Variants in RIMS1 observed in about 807,000 individuals in gnomAD.
RIMS1 encodes regulating synaptic membrane exocytosis 1, also known as regulating synaptic membrane exocytosis protein 1.
In RIMS1, 83 loss-of-function variants were observed where a neutral mutation model predicts 214.1. The observed-to-expected ratio is 0.39, with a 90% CI of 0.32 to 0.47. The LOEUF is 0.47. Ranked by LOEUF, RIMS1 falls within the 20% of genes least tolerant of loss-of-function variation. RIMS1 has a pLI of 0.99. For missense variants in RIMS1, 2,050 were observed against 2,161.8 expected, an observed-to-expected ratio of 0.95 and a Z score of 1.03; for synonymous variants, 793 against 786.8, an observed-to-expected ratio of 1.01 and a Z score of -0.13.
At chr6:71,981,159 A>G (rs1385262273) in intron 2 of RIMS1, among the ~76,000 whole-genome samples, 1 of 152,028 alleles carries the variant, frequency 6.6e-6, no homozygotes, top group Admixed American at 6.6e-5. Flanking sequence ...CTTTTTGCTG[A>G]TTTTCTATCA....
chr6:72,019,519 A>G (rs1813889614), intron 2 of RIMS1, among the ~76,000 whole-genome samples: 1 of 152,216 alleles, frequency 6.6e-6, no homozygotes, highest in African/African-American at 2.4e-5. Context: ...AAACCCTTTT[A>G]CATTTTCTAT....
intron 29 of RIMS1, among the ~76,000 whole-genome samples, chr6:72,370,931 G>A (rs1467209615): frequency 6.6e-6 from 1 of 152,092 alleles, no homozygotes; most frequent in Non-Finnish European, 1.5e-5. Flanking sequence ...AATGTAGTTG[G>A]GAGGAAGTAT....
At chr6:72,128,067 C>T (rs1388575971) in intron 4 of RIMS1, among the ~76,000 whole-genome samples, 2 of 152,086 alleles carry the variant, frequency 1.3e-5, no homozygotes, top group Non-Finnish European at 2.9e-5. Context: ...ATCCTTATGA[C>T]AAGAGGTTAT....
intron 6 of RIMS1, among the ~76,000 whole-genome samples, chr6:72,201,381 A>T (rs2051954153): frequency 6.6e-6 from 1 of 152,240 alleles, no homozygotes; most frequent in African/African-American, 2.4e-5. Flanking sequence ...AGATTTCAGT[A>T]TCACCTGTTT....
intron 4 of RIMS1, among the ~76,000 whole-genome samples, chr6:72,122,349 T>G (rs1283177988): frequency 1.3e-5 from 2 of 151,226 alleles, no homozygotes; most frequent in Non-Finnish European, 3.0e-5. Flanking sequence ...GGACTACAGG[T>G]GCCTGCCACT....
intron 29 of RIMS1, among the ~76,000 whole-genome samples, chr6:72,350,661 A>G (rs576536406): frequency 3.9e-5 from 6 of 152,238 alleles, no homozygotes; most frequent in South Asian, 2.1e-4. Flanking sequence ...AAAATATCCT[A>G]TGCCCTTTAG....
chr6:72,303,724 G>A (rs2094870428), intron 26 of RIMS1, among the ~76,000 whole-genome samples: 1 of 151,200 alleles, frequency 6.6e-6, no homozygotes, highest in Non-Finnish European at 1.5e-5. Flanking sequence ...ATATAAAGTT[G>A]GAATAAATAA....
intron 12 of RIMS1, among the ~76,000 whole-genome samples, chr6:72,248,485 G>T (rs115375766): frequency 5.3e-5 from 8 of 152,084 alleles, no homozygotes; most frequent in Admixed American, 3.9e-4. Context: ...AACCTTATGA[G>T]CCTAGAGCCT....
intron 1 of RIMS1, among the ~76,000 whole-genome samples, chr6:71,908,586 A>G (rs1011397223): frequency 1.3e-5 from 2 of 152,192 alleles, no homozygotes; most frequent in Non-Finnish European, 2.9e-5. Context: ...TAAGTATCTA[A>G]TTTACTCATA....
rs538978566 is a variant in RIMS1 at position 72,238,084 on chromosome 6, A to G, written c.1957+162A>G. ...AATTTTAATGCACGAATAAAGACTTATTTCCTGATATAAATATTTACCAAT... is the reference window on the plus strand; with the variant it reads ...AATTTTAATGCACGAATAAAGACTTGTTTCCTGATATAAATATTTACCAAT... On this transcript the variant is annotated intron_variant, in intron 9 of 33. Coordinates refer to ENST00000521978, the MANE Select transcript of RIMS1 (RefSeq NM_014989.7). 2.8e-4 allele frequency among the ~76,000 whole-genome samples: 42 copies of G among 152,160 alleles called. No individual in the cohort carries two copies. The South Asian group carries it at 7.9e-3, about 29-fold the overall frequency.
intron 2 of RIMS1, among the ~76,000 whole-genome samples, chr6:72,069,896 G>A (rs764731614): frequency 1.3e-5 from 2 of 152,158 alleles, no homozygotes; most frequent in Non-Finnish European, 2.9e-5. Flanking sequence ...TGTATGTGTT[G>A]GGATGAGATA....
chr6:71,904,039 C>T (rs572874428), intron 1 of RIMS1, among the ~76,000 whole-genome samples: 1 of 152,176 alleles, frequency 6.6e-6, no homozygotes, highest in East Asian at 1.9e-4. Context: ...TTTGTCCTTT[C>T]ACCTGGGATG....
At chr6:72,125,710 A>G (rs2039374708) in intron 4 of RIMS1, among the ~76,000 whole-genome samples, 1 of 152,168 alleles carries the variant, frequency 6.6e-6, no homozygotes, top group South Asian at 2.1e-4. Flanking sequence ...CCCCTCCCCC[A>G]GCCCAGGCTG....
intron 2 of RIMS1, among the ~76,000 whole-genome samples, chr6:72,048,551 A>T (rs535634847): frequency 9.2e-5 from 14 of 152,344 alleles, no homozygotes; most frequent in African/African-American, 3.4e-4. Flanking sequence ...AAATAGAAAA[A>T]AAAGTTTGAG....
In RIMS1 at chr6:72,274,286, T is replaced by G. The variant is rs2084970421; in HGVS notation, c.3399-63T>G. The G allele has an allele frequency of 7.0e-6, 8 of 1,140,178 alleles. No individual in the cohort carries two copies. In the South Asian group the frequency reaches 1.1e-4, roughly 15 times the overall value. The allele number at this position is 1,140,178 out of a possible 1,614,324, so 70.6% of individuals were successfully genotyped here. A position where few individuals can be genotyped will look rare whatever the true frequency, so the allele number is the denominator to read the frequency against. On this transcript the variant is annotated intron_variant, in intron 22 of 33. Transcript: ENST00000521978. ...TTTTCCAGTCCTCTTGTTCCATGTA[T>G]TCTTTTATTTTAGGAGTTACTAAAT...
rs541330541 is a variant in RIMS1, at chr6:72,019,483, C to T, written c.245+50420C>T. Among the ~76,000 whole-genome samples, 15 of 152,256 alleles carry T rather than the reference C, an allele frequency of 9.9e-5. No homozygotes were observed. In the East Asian group the frequency reaches 2.7e-3, roughly 27 times the overall value. On this transcript the variant is annotated intron_variant, in intron 2 of 33. Transcript: ENST00000521978. ...CTTTTCTTACATATAAAAACCTTTGCAGGTGTTATAGCGATCACTATAGTA... is the reference window on the plus strand; with the variant it reads ...CTTTTCTTACATATAAAAACCTTTGTAGGTGTTATAGCGATCACTATAGTA...
At position 72,265,433 on chromosome 6, in the gene RIMS1, C is replaced by T. The variant is rs1477602949; in HGVS notation, c.3238C>T (p.Gln1080Ter). ...TACTAAGACCAAATCAGTGACTAGA[C>T]AGGACATTTCCCTTCATCATGAATG... ...AHTKTKSVTRQDISLHHECFN... is the reference protein window; with the variant it reads ...AHTKTKSVTR Residue 1080 changes from glutamine to a stop codon, truncating the protein, a stop_gained, in exon 21 of 34, where the codon CAG becomes TAG. Coordinates refer to ENST00000521978, the MANE Select transcript of RIMS1 (RefSeq NM_014989.7). LOFTEE classifies it high-confidence loss of function. 3 of 1,610,122 alleles carry T rather than the reference C, an allele frequency of 1.9e-6. No individual in the cohort carries two copies. Among genetic ancestry groups the T allele is most frequent in the Non-Finnish European group, 2.5e-6 (3 of 1,177,246 alleles).
chr6:71,983,278 A>G (rs748070290), intron 2 of RIMS1, among the ~76,000 whole-genome samples: 3 of 152,058 alleles, frequency 2.0e-5, no homozygotes, highest in African/African-American at 7.2e-5. Flanking sequence ...AAAAGGGTCA[A>G]TAGGTTCTTA....
At chr6:72,328,363 G>C (rs1392828093) in intron 28 of RIMS1, among the ~76,000 whole-genome samples, 2 of 151,662 alleles carry the variant, frequency 1.3e-5, no homozygotes, top group East Asian at 3.9e-4. Flanking sequence ...GGTTTGATGG[G>C]TGCAGCAAAC....
Sources: allele counts gnomAD v4.1 joint callset (sites outside exome capture counted in the v4.1 genomes callset), GRCh38; gene constraint gnomAD v4.1.1; transcripts MANE v1.5; gene names NCBI Gene and HGNC (gene_info 2026-07-23, HGNC 2026-07-21).